The following DGKB variants were observed in gnomAD, a reference collection of about 807,000 sequenced individuals.
The protein encoded by DGKB is 90 kDa diacylglycerol kinase.
In DGKB, 67 loss-of-function variants were observed where a neutral mutation model predicts 114.3. That is an observed-to-expected ratio of 0.59 (90% CI 0.48 to 0.72). The LOEUF is 0.72. Among genes scored for constraint, DGKB ranks in the 30% least tolerant of loss-of-function variants. The pLI is 0.00. For missense variants in DGKB, 907 were observed against 975.2 expected (o/e 0.93, Z 0.93); for synonymous variants, 398 against 323.1 (o/e 1.23, Z -2.49).
chr7:14,461,285 AC>A (rs1833032648), intron 21 of DGKB, among the ~76,000 whole-genome samples: 1 of 150,296 alleles, frequency 6.7e-6, no homozygotes, highest in African/African-American at 2.5e-5. Flanking sequence ...ACACACATAC[AC>A]AAAAACCCTT....
chr7:14,765,373 G>A (rs1836300259), intron 2 of DGKB, among the ~76,000 whole-genome samples: 1 of 151,968 alleles, frequency 6.6e-6, no homozygotes, highest in African/African-American at 2.4e-5. Context: ...ATAGCAATAA[G>A]TATTTCTACT....
At chr7:14,193,241 A>G (rs992382617) in intron 23 of DGKB, among the ~76,000 whole-genome samples, 1 of 152,138 alleles carries the variant, frequency 6.6e-6, no homozygotes, top group Non-Finnish European at 1.5e-5. Flanking sequence ...CCAAAGACAT[A>G]CTGAGCAAAA....
intron 17 of DGKB, among the ~76,000 whole-genome samples, chr7:14,590,535 T>A (rs1255194477): frequency 6.6e-6 from 1 of 152,128 alleles, no homozygotes; most frequent in Non-Finnish European, 1.5e-5. Context: ...ATAAACCCCA[T>A]GTGACTGTCA....
At chr7:14,902,050 T>C (rs1276133552) in intron 1 of DGKB, among the ~76,000 whole-genome samples, 1 of 152,170 alleles carries the variant, frequency 6.6e-6, no homozygotes, top group Non-Finnish European at 1.5e-5. Flanking sequence ...ATGTTTATCA[T>C]ATCATCAGTG....
At chr7:14,720,290 C>A (rs1828921953) in intron 5 of DGKB, among the ~76,000 whole-genome samples, 1 of 151,816 alleles carries the variant, frequency 6.6e-6, no homozygotes, top group Non-Finnish European at 1.5e-5. Context: ...TCTTTCCATC[C>A]TTTTTTATTT....
chr7:14,933,167 C>G (rs921152630), intron 1 of DGKB, among the ~76,000 whole-genome samples: 1 of 152,162 alleles, frequency 6.6e-6, no homozygotes, highest in Non-Finnish European at 1.5e-5. Flanking sequence ...ATTTCCCTCC[C>G]TTACAATAAA....
At chr7:14,494,961 T>C (rs1785090872) in intron 20 of DGKB, among the ~76,000 whole-genome samples, 1 of 151,892 alleles carries the variant, frequency 6.6e-6, no homozygotes. Flanking sequence ...AATACTATTT[T>C]TTAAATGTCT....
chr7:14,416,473 T>C (rs1825744179), intron 21 of DGKB, among the ~76,000 whole-genome samples: 1 of 152,094 alleles, frequency 6.6e-6, no homozygotes, highest in Non-Finnish European at 1.5e-5. Flanking sequence ...CAAGTCCTGG[T>C]ACGGTTTGGC....
intron 21 of DGKB, among the ~76,000 whole-genome samples, chr7:14,452,972 G>A (rs1254633349): frequency 2.6e-5 from 4 of 152,224 alleles, no homozygotes; most frequent in East Asian, 1.9e-4. Context: ...CTTACAGAAC[G>A]TATGTGTTCC....
rs181462149 is a variant in DGKB, at chr7:14,299,547, C to A, written c.2122+38968G>T. ...ACACTACAAAGATGCTTCATGCAGA[C>A]CAACAAGAACAATAGTTAACAGTTG... On this transcript the variant is annotated intron_variant, in intron 23 of 25. Coordinates refer to ENST00000402815, the MANE Select transcript of DGKB (RefSeq NM_001350709.2). Among the ~76,000 whole-genome samples the A allele has an allele frequency of 6.6e-5, 10 of 152,196 alleles. No homozygotes were observed. In the East Asian group the frequency reaches 1.9e-3, roughly 29 times the overall value.
intron 12 of DGKB, among the ~76,000 whole-genome samples, chr7:14,673,486 T>C (rs975131637): frequency 2.6e-5 from 4 of 151,370 alleles, no homozygotes; most frequent in Non-Finnish European, 5.9e-5. Flanking sequence ...GATCCCATCA[T>C]TAGTTTTAAC....
At chr7:14,420,995 T>C (rs1376304476) in intron 21 of DGKB, among the ~76,000 whole-genome samples, 1 of 152,106 alleles carries the variant, frequency 6.6e-6, no homozygotes, top group Non-Finnish European at 1.5e-5. Flanking sequence ...AAAGTACCTC[T>C]GATTGGACGT....
chr7:14,262,056 C>CCTAT (rs1402533370), intron 23 of DGKB, among the ~76,000 whole-genome samples: 1 of 152,116 alleles, frequency 6.6e-6, no homozygotes, highest in Non-Finnish European at 1.5e-5. Flanking sequence ...ATGTATTTAT[C>CCTAT]CTATCTTGTC....
At chr7:14,391,744 A>G (rs1821354792) in intron 21 of DGKB, among the ~76,000 whole-genome samples, 2 of 152,246 alleles carry the variant, frequency 1.3e-5, no homozygotes, top group Non-Finnish European at 1.5e-5. Context: ...TCCGTCTTTT[A>G]GATATATTGA....
chr7:14,883,873 C>G (rs1854616586), intron 1 of DGKB, among the ~76,000 whole-genome samples: 1 of 151,874 alleles, frequency 6.6e-6, no homozygotes. Flanking sequence ...CCCAATGATA[C>G]CCAACAAACA....
chr7:14,577,274 A>T (rs1480088296), intron 19 of DGKB, among the ~76,000 whole-genome samples: 1 of 152,168 alleles, frequency 6.6e-6, no homozygotes, highest in Admixed American at 6.6e-5. Flanking sequence ...AGTCATAGAA[A>T]TTTTTGCAAA....
intron 25 of DGKB, among the ~76,000 whole-genome samples, chr7:14,158,975 G>A (rs1389574833): frequency 6.6e-6 from 1 of 151,886 alleles, no homozygotes; most frequent in Admixed American, 6.6e-5. Flanking sequence ...TCTAAGGCCT[G>A]AACAATTATA....
intron 23 of DGKB, among the ~76,000 whole-genome samples, chr7:14,221,145 G>A (rs1232623097): frequency 6.6e-6 from 1 of 151,170 alleles, no homozygotes; most frequent in Non-Finnish European, 1.5e-5. Context: ...TTTTCAATCT[G>A]ATGCCTTTTA....
intron 21 of DGKB, among the ~76,000 whole-genome samples, chr7:14,379,334 C>T (rs1563059368): frequency 2.0e-5 from 3 of 151,774 alleles, no homozygotes; most frequent in Admixed American, 2.0e-4. Context: ...TTCCAGTTCA[C>T]GCACCACTGC....
Sources: allele counts gnomAD v4.1 joint callset (sites outside exome capture counted in the v4.1 genomes callset), GRCh38; gene constraint gnomAD v4.1.1; transcripts MANE v1.5; gene names NCBI Gene and HGNC (gene_info 2026-07-23, HGNC 2026-07-21).